Variants in MAP4K3 observed in about 807,000 individuals in gnomAD.
MAP4K3 encodes the protein mitogen-activated protein kinase kinase kinase kinase 3.
Under a neutral mutation model 143.5 loss-of-function variants are expected in MAP4K3, and 94 were observed. The observed-to-expected ratio is 0.65, with a 90% CI of 0.55 to 0.78. MAP4K3 has a LOEUF of 0.78. Ranked by LOEUF, MAP4K3 falls within the 30% of genes least tolerant of loss-of-function variation. The probability of loss-of-function intolerance (pLI) is 0.00; values close to 1 mark genes in which losing one functional copy is unlikely to be tolerated. For synonymous variants in MAP4K3, 416 were observed against 347.2 expected, an observed-to-expected ratio of 1.20 and a Z score of -2.20; for missense variants, 1,077 against 1,068.1, an observed-to-expected ratio of 1.01 and a Z score of -0.12.
chr2:39,418,634 C>T (rs1348712866), intron 1 of MAP4K3, among the ~76,000 whole-genome samples: 2 of 152,012 alleles, frequency 1.3e-5, no homozygotes, highest in African/African-American at 4.8e-5. Context: ...GTTAACACTG[C>T]CGGTGATCAA....
At chr2:39,282,675 T>G in intron 21 of MAP4K3, 121 bp from the exon 22 acceptor site, 1 of 688,234 alleles carries the variant, frequency 1.5e-6, no homozygotes, top group South Asian at 1.8e-5. Flanking sequence ...AAACAAAACA[T>G]TACAGTTAAG....
intron 1 of MAP4K3, among the ~76,000 whole-genome samples, chr2:39,417,303 TC>T (rs2148623967): frequency 6.6e-6 from 1 of 150,478 alleles, no homozygotes; most frequent in East Asian, 2.0e-4. Flanking sequence ...CACTGCAAGC[TC>T]CTCCTCCCGG....
Position 39,292,828 on chromosome 2 carries a change from T to C in MAP4K3, c.1218-2A>G. On this transcript the variant is annotated splice_acceptor_variant, in intron 17 of 33. Coordinates refer to ENST00000263881, the MANE Select transcript of MAP4K3 (RefSeq NM_003618.4). LOFTEE classifies it high-confidence loss of function. ...TCTTCTAAATGTGCGACGTGTCCTC[T>C]AAATAAAAAGGATAATGTCATTGTT... The C allele has an allele frequency of 6.2e-7, 1 of 1,610,658 alleles. No individual in the cohort carries two copies. The highest frequency in any genetic ancestry group is 8.5e-7 in the Non-Finnish European group (1 of 1,177,082).
intron 22 of MAP4K3, among the ~76,000 whole-genome samples, chr2:39,280,596 C>A (rs1347425996): frequency 6.6e-6 from 1 of 151,822 alleles, no homozygotes; most frequent in Non-Finnish European, 1.5e-5. Flanking sequence ...AAAAAAAGGT[C>A]TTATTTTTTC....
At chr2:39,363,005 A>G (rs1413202402) in intron 2 of MAP4K3, among the ~76,000 whole-genome samples, 1 of 152,236 alleles carries the variant, frequency 6.6e-6, no homozygotes, top group Non-Finnish European at 1.5e-5. Flanking sequence ...CAAAAGAATG[A>G]CATTGGACGT....
chr2:39,260,797 T>C lies in MAP4K3; in HGVS notation c.2137-20A>G, dbSNP rs371486490. 1.3e-6 allele frequency: 2 copies of C among 1,549,720 alleles called. No individual in the cohort carries two copies. The highest frequency in any genetic ancestry group is 2.7e-5 in the African/African-American group (2 of 72,904). ...TATGTGCTAGAGAAAGAAACAAAAATACATTAAACCAAGGAAAATAAAAAC... is the reference window on the plus strand; with the variant it reads ...TATGTGCTAGAGAAAGAAACAAAAACACATTAAACCAAGGAAAATAAAAAC... On this transcript the variant is annotated intron_variant, in intron 28 of 33. Coordinates refer to ENST00000263881, the MANE Select transcript of MAP4K3 (RefSeq NM_003618.4).
intron 1 of MAP4K3, among the ~76,000 whole-genome samples, chr2:39,382,994 AAC>A (rs908751267): frequency 1.1e-4 from 16 of 152,204 alleles, no homozygotes; most frequent in African/African-American, 3.4e-4. Context: ...GGGGACAGAA[AAC>A]ACAGACTATT....
chr2:39,333,543 T>C lies in MAP4K3; in HGVS notation c.446A>G (p.His149Arg), dbSNP rs767252209. 6 of 1,606,872 alleles carry C rather than the reference T, an allele frequency of 3.7e-6. No homozygotes were observed. In the South Asian group the frequency reaches 6.6e-5, roughly 18 times the overall value. ...TCCAATTTACTTACCCAATTTCACA[T>C]GACCATTATCCGTTAATAGAATGTT... ...GANILLTDNG[H>R]VKLADFGVSA... The change falls in exon 7 of 34, where the codon CAT becomes CGT. Residue 149 changes from histidine (H) to arginine (R), a missense_variant. Physicochemically the swap from His to Arg is conservative, Grantham distance 29 (BLOSUM62 0). Around this residue, in one of 2 missense-constraint regions of MAP4K3, gnomAD observed 213 missense variants for 266.8 expected, o/e 0.80. Transcript: ENST00000263881.
intron 2 of MAP4K3, among the ~76,000 whole-genome samples, chr2:39,371,267 G>C (rs1257921103): frequency 6.6e-6 from 1 of 152,166 alleles, no homozygotes; most frequent in Non-Finnish European, 1.5e-5. Context: ...TTAGAGCAAA[G>C]GAGAGCTGTA....
At chr2:39,299,644 A>G (rs1682426687) in intron 16 of MAP4K3, 99 bp downstream of exon 16, 2 of 539,730 alleles carry the variant, frequency 3.7e-6, no homozygotes, top group Admixed American at 7.6e-5. Flanking sequence ...TATATCTACC[A>G]GCCTAATACA....
intron 16 of MAP4K3, among the ~76,000 whole-genome samples, chr2:39,298,982 A>T (rs78466526): frequency 1.3e-5 from 2 of 150,800 alleles, no homozygotes; most frequent in Non-Finnish European, 3.0e-5. Flanking sequence ...AAAAAAAAAA[A>T]GGAATTTTAA....
At chr2:39,338,361 T>G (rs1199821720) in intron 4 of MAP4K3, among the ~76,000 whole-genome samples, 1 of 152,204 alleles carries the variant, frequency 6.6e-6, no homozygotes, top group East Asian at 1.9e-4. Flanking sequence ...ATTAGCCAGA[T>G]AGCTATAAAA....
At chr2:39,369,205 G>GTTTTTTTTTTGTTTTTTTTTTTTTT (rs68013609) in intron 2 of MAP4K3, among the ~76,000 whole-genome samples, 2 of 125,380 alleles carry the variant, frequency 1.6e-5, no homozygotes, top group African/African-American at 3.2e-5. Flanking sequence ...TTTTTTTTTT[G>GTTTTTTTTTTGTTTTTTTTTTTTTT]TTTTTTTTGA....
At chr2:39,294,873 A>C (rs1682204729) in intron 16 of MAP4K3, among the ~76,000 whole-genome samples, 1 of 152,190 alleles carries the variant, frequency 6.6e-6, no homozygotes, top group Non-Finnish European at 1.5e-5. Context: ...TGCAAGGTCC[A>C]AACTATTTTC....
intron 24 of MAP4K3, 83 bp from the exon 25 acceptor site, chr2:39,272,625 C>A (rs927426192): frequency 2.8e-6 from 3 of 1,059,524 alleles, no homozygotes; most frequent in African/African-American, 3.2e-5. Flanking sequence ...CGTAAGCTGT[C>A]TTATCTACAG....
At chr2:39,416,230 C>G (rs1163425092) in intron 1 of MAP4K3, among the ~76,000 whole-genome samples, 2 of 151,476 alleles carry the variant, frequency 1.3e-5, no homozygotes, top group African/African-American at 2.4e-5. Context: ...AATAACTAAG[C>G]CTTCTACATG....
intron 13 of MAP4K3, among the ~76,000 whole-genome samples, chr2:39,309,749 G>A (rs1461757936): frequency 2.0e-5 from 3 of 151,310 alleles, no homozygotes; most frequent in Non-Finnish European, 2.9e-5. Context: ...TAGTAGAGAC[G>A]GGGTTTCACC....
At chr2:39,419,545 C>T (rs921877869) in intron 1 of MAP4K3, among the ~76,000 whole-genome samples, 4 of 152,120 alleles carry the variant, frequency 2.6e-5, no homozygotes, top group Non-Finnish European at 4.4e-5. Flanking sequence ...CAGTAATTAA[C>T]AGAAACCTCC....
At chr2:39,334,584 C>A (rs1055093250) in intron 6 of MAP4K3, among the ~76,000 whole-genome samples, 4 of 152,168 alleles carry the variant, frequency 2.6e-5, no homozygotes, top group Non-Finnish European at 1.5e-5. Flanking sequence ...TTAACTTGAT[C>A]TAGTACCTAG....
Sources: gnomAD v4.1 joint callset for allele counts (sites outside exome capture counted in the v4.1 genomes callset) on GRCh38, gnomAD v4.1.1 for gene constraint, gnomAD v4.1.1 regional missense constraint, MANE v1.5 for transcripts, NCBI Gene and HGNC (gene_info 2026-07-23, HGNC 2026-07-21) for gene names.